LINGO2: variants seen among roughly 807,000 people sequenced by gnomAD.
LINGO2 encodes the protein leucine-rich repeat and immunoglobulin-like domain-containing nogo receptor-interacting protein 2.
A neutral mutation model predicts 30.6 loss-of-function variants in LINGO2; 14 were observed. That is an observed-to-expected ratio of 0.46 (90% CI 0.30 to 0.72). The LOEUF (loss-of-function observed/expected upper bound fraction) is 0.72, where lower values mean the gene tolerates loss of function less well. Among genes scored for constraint, LINGO2 ranks in the 30% least tolerant of loss-of-function variants. The pLI, the probability that LINGO2 is intolerant of heterozygous loss-of-function variation, is 0.07. For missense variants in LINGO2, 729 were observed against 751.7 expected (o/e 0.97, Z 0.35); for synonymous variants, 317 against 288.5 (o/e 1.10, Z -1.00).
the LINGO2 span, among the ~76,000 whole-genome samples, chr9:29,164,633 C>G: frequency 6.6e-6 from 1 of 152,006 alleles, no homozygotes; most frequent in East Asian, 1.9e-4. Flanking sequence ...GTGCAGATTA[C>G]AGACAACAAA....
chr9:28,484,395 T>C (rs1826090672), intron 1 of LINGO2, among the ~76,000 whole-genome samples: 1 of 152,056 alleles, frequency 6.6e-6, no homozygotes, highest in Non-Finnish European at 1.5e-5. Context: ...TTTTGCCCTC[T>C]AGAACTATAC....
At chr9:28,886,468 C>T in the LINGO2 span, among the ~76,000 whole-genome samples, 1 of 152,034 alleles carries the variant, frequency 6.6e-6, no homozygotes, top group Non-Finnish European at 1.5e-5. Context: ...AATGACAGGG[C>T]TACTCCTTGG....
intron 4 of LINGO2, among the ~76,000 whole-genome samples, chr9:28,165,483 CTT>C (rs1828400755): frequency 6.6e-6 from 1 of 152,144 alleles, no homozygotes; most frequent in Admixed American, 6.6e-5. Context: ...CATATAGTAA[CTT>C]AACAGAAAAA....
chr9:28,195,769 A>T (rs1819989901), intron 4 of LINGO2, among the ~76,000 whole-genome samples: 1 of 151,568 alleles, frequency 6.6e-6, no homozygotes, highest in Non-Finnish European at 1.5e-5. Flanking sequence ...CTTTTATGAA[A>T]AGAATTATAC....
chr9:29,166,180 T>A, the LINGO2 span, among the ~76,000 whole-genome samples: 1 of 152,278 alleles, frequency 6.6e-6, no homozygotes, highest in East Asian at 1.9e-4. Context: ...GATTCTCTTA[T>A]GTGGTTATTT....
intron 1 of LINGO2, among the ~76,000 whole-genome samples, chr9:28,506,883 C>T (rs1361111035): frequency 6.6e-6 from 1 of 151,868 alleles, no homozygotes; most frequent in African/African-American, 2.4e-5. Flanking sequence ...ATTAAATCAT[C>T]TTCTCTACAG....
the LINGO2 span, among the ~76,000 whole-genome samples, chr9:28,936,657 T>C: frequency 6.6e-6 from 1 of 152,176 alleles, no homozygotes; most frequent in African/African-American, 2.4e-5. Context: ...TGTTAATAAT[T>C]AGTGTTAAAA....
chr9:28,042,489 G>C (rs929216021), intron 4 of LINGO2, among the ~76,000 whole-genome samples: 3 of 152,116 alleles, frequency 2.0e-5, no homozygotes, highest in African/African-American at 7.2e-5. Context: ...ATACTGTTTT[G>C]AGTTTTGTAG....
chr9:29,078,692 T>A, the LINGO2 span, among the ~76,000 whole-genome samples: 11 of 152,058 alleles, frequency 7.2e-5, no homozygotes, highest in South Asian at 2.3e-3. Context: ...ATCAAAATTA[T>A]AATTTATGTT....
intron 3 of LINGO2, among the ~76,000 whole-genome samples, chr9:28,305,549 A>G (rs185382584): frequency 1.3e-5 from 2 of 152,154 alleles, no homozygotes; most frequent in Admixed American, 6.6e-5. Context: ...ACAAAAACCA[A>G]TTGTATTTTT....
chr9:28,988,935 G>C, the LINGO2 span, among the ~76,000 whole-genome samples: 1 of 152,128 alleles, frequency 6.6e-6, no homozygotes, highest in East Asian at 1.9e-4. Context: ...TCTATGGATA[G>C]TTTCTCATTG....
intron 1 of LINGO2, among the ~76,000 whole-genome samples, chr9:28,640,258 T>G (rs1200687372): frequency 2.0e-5 from 3 of 152,150 alleles, no homozygotes; most frequent in Non-Finnish European, 4.4e-5. Context: ...GTAACATTTT[T>G]TCCTTCATTT....
the LINGO2 span, among the ~76,000 whole-genome samples, chr9:28,932,316 C>T: frequency 2.6e-5 from 4 of 151,752 alleles, no homozygotes; most frequent in Non-Finnish European, 4.4e-5. Flanking sequence ...GTTTCCTGGG[C>T]TTATTATTTT....
At chr9:28,651,474 C>T (rs1465624365) in intron 1 of LINGO2, among the ~76,000 whole-genome samples, 2 of 152,032 alleles carry the variant, frequency 1.3e-5, no homozygotes, top group Non-Finnish European at 2.9e-5. Flanking sequence ...CACTGCTCCC[C>T]AATGCAAGAA....
At chr9:28,069,773 C>T (rs1421584189) in intron 4 of LINGO2, among the ~76,000 whole-genome samples, 1 of 152,160 alleles carries the variant, frequency 6.6e-6, no homozygotes, top group Admixed American at 6.5e-5. Flanking sequence ...AGACATCCAA[C>T]TTATGAGGTC....
chr9:28,568,533 C>T (rs1274438767), intron 1 of LINGO2, among the ~76,000 whole-genome samples: 1 of 151,870 alleles, frequency 6.6e-6, no homozygotes, highest in East Asian at 1.9e-4. Flanking sequence ...GGGAACTTCA[C>T]CAAGACACTT....
upstream of LINGO2, among the ~76,000 whole-genome samples, chr9:28,671,205 G>A (rs888108908): frequency 7.2e-5 from 11 of 151,928 alleles, no homozygotes; most frequent in African/African-American, 1.4e-4. Context: ...CACCATGGAC[G>A]TCTGCTCGAC....
At position 28,497,351 on chromosome 9, in the gene LINGO2, T is replaced by G. The variant is rs1819675490; in HGVS notation, c.-364-21326A>C. Among the ~76,000 whole-genome samples the G allele has an allele frequency of 1.3e-5, 2 of 152,170 alleles. 1 individual carries two copies. Among genetic ancestry groups the G allele is most frequent in the South Asian group, 4.1e-4 (2 of 4,830 alleles). On this transcript the variant is annotated intron_variant, in intron 1 of 5. Transcript: ENST00000379992. ...AGTCCCATATTTCTTGGAGGCTTTG[T>G]TCATTTCTTTTTACTCTTTTTTCTC...
At chr9:28,889,799 C>A in the LINGO2 span, among the ~76,000 whole-genome samples, 1 of 151,984 alleles carries the variant, frequency 6.6e-6, no homozygotes, top group Non-Finnish European at 1.5e-5. Context: ...AGAAGACAGG[C>A]TCAGTTCTTG....
Sources: gnomAD v4.1 joint callset for allele counts (sites outside exome capture counted in the v4.1 genomes callset) on GRCh38, gnomAD v4.1.1 for gene constraint, MANE v1.5 for transcripts, NCBI Gene and HGNC (gene_info 2026-07-23, HGNC 2026-07-21) for gene names.